The following PCNX1 variants were observed in gnomAD, a reference collection of about 807,000 sequenced individuals.
The protein encoded by PCNX1 is pecanex-like protein 1.
PCNX1 carries 78 observed loss-of-function variants against 242.2 expected under a neutral mutation model. The ratio of observed to expected loss-of-function variants is 0.32; its 90% CI spans 0.27 to 0.39. The LOEUF (loss-of-function observed/expected upper bound fraction) is 0.39, where lower values mean the gene tolerates loss of function less well. PCNX1 is among the 10% of genes least tolerant of loss of function. The pLI, the probability that PCNX1 is intolerant of heterozygous loss-of-function variation, is 1.00. For synonymous variants in PCNX1, 1,024 were observed against 1,032.9 expected, an observed-to-expected ratio of 0.99 and a Z score of 0.17; for missense variants, 2,581 against 2,856.5, an observed-to-expected ratio of 0.90 and a Z score of 2.20.
Position 71,073,780 on chromosome 14 carries a change from C to T in PCNX1, c.5088C>T (p.Leu1696=), listed in dbSNP as rs2061644808. 1.9e-6 allele frequency: 3 copies of T among 1,606,468 alleles called. No homozygotes were observed. The highest frequency in any genetic ancestry group is 2.7e-5 in the African/African-American group (2 of 74,806). ...MLQVFDLRKV[L]TTYYVKGIIY... is the part of the protein sequence containing the mutation. ...AAGTCTTTGATCTTCGGAAAGTACT[C>T]ACCACTTACTATGTCAAGGTAGGAG... The change falls in exon 27 of 36, where the codon CTC becomes CTT. Residue 1696 remains leucine (L), a synonymous_variant. Transcript: ENST00000304743.
At chr14:70,990,473 G>C (rs1413996367) in intron 7 of PCNX1, among the ~76,000 whole-genome samples, 1 of 151,844 alleles carries the variant, frequency 6.6e-6, no homozygotes, top group East Asian at 1.9e-4. Context: ...GCTGAGGCAG[G>C]AGAATTGCCT....
intron 35 of PCNX1, 58 bp downstream of exon 35, chr14:71,109,650 C>T: frequency 1.3e-6 from 2 of 1,599,196 alleles, no homozygotes; most frequent in South Asian, 2.2e-5. Flanking sequence ...GTCCGCCTCA[C>T]TTGGATGCAT....
intron 26 of PCNX1, among the ~76,000 whole-genome samples, chr14:71,067,399 C>CAT (rs933436275): frequency 6.6e-6 from 1 of 152,024 alleles, no homozygotes; most frequent in Non-Finnish European, 1.5e-5. Context: ...AGTTTATTTG[C>CAT]ATAGGGGTGT....
At chr14:71,002,635 C>G (rs2059537771) in intron 8 of PCNX1, among the ~76,000 whole-genome samples, 1 of 152,112 alleles carries the variant, frequency 6.6e-6, no homozygotes, top group Admixed American at 6.6e-5. Flanking sequence ...TTTGTATGTA[C>G]TTTTCCTGTA....
At chr14:71,104,433 G>A (rs919615988) in intron 32 of PCNX1, among the ~76,000 whole-genome samples, 5 of 152,062 alleles carry the variant, frequency 3.3e-5, no homozygotes, top group African/African-American at 1.2e-4. Flanking sequence ...TGGAATTACC[G>A]TAAAGAGATT....
chr14:70,974,820 A>G lies in PCNX1; in HGVS notation c.605-2122A>G, dbSNP rs529184714. Among the ~76,000 whole-genome samples, 75 of 152,316 alleles carry G rather than the reference A, an allele frequency of 4.9e-4. No individual in the cohort carries two copies. The South Asian group carries it at 0.012, about 24-fold the overall frequency. ...AAAAGTTTGATTCGATGAAAAATGT[A>G]TCTTTTTGTGTTGATTTGAGCCTCT... On this transcript the variant is annotated intron_variant, in intron 5 of 35. Transcript: ENST00000304743.
chr14:70,979,001 G>A (rs2058759951), intron 6 of PCNX1, among the ~76,000 whole-genome samples: 1 of 151,866 alleles, frequency 6.6e-6, no homozygotes, highest in Non-Finnish European at 1.5e-5. Flanking sequence ...ATTATTTAAG[G>A]GCACCAAACC....
chr14:70,986,103 G>A (rs781085341), intron 6 of PCNX1, among the ~76,000 whole-genome samples: 1 of 152,130 alleles, frequency 6.6e-6, no homozygotes, highest in Non-Finnish European at 1.5e-5. Context: ...ACCCCTACTC[G>A]ACTATTCCAA....
At chr14:71,077,364 G>T (rs1283643976) in intron 28 of PCNX1, among the ~76,000 whole-genome samples, 1 of 152,194 alleles carries the variant, frequency 6.6e-6, no homozygotes. Context: ...AGTGTCGTAT[G>T]TACAGATGTA....
Position 71,013,081 on chromosome 14 carries a change from A to T in PCNX1, c.2875A>T (p.Thr959Ser). ...TGATCTAAGCCCTGACTTGGCAGCTACTTACGGCCCAACAGAAGAAGCTGC... is the reference window on the plus strand; with the variant it reads ...TGATCTAAGCCCTGACTTGGCAGCTTCTTACGGCCCAACAGAAGAAGCTGC... ...DIDLSPDLAA[T>S]YGPTEEAAQK... Residue 959 changes from threonine (T) to serine (S), a missense_variant, in exon 11 of 36, where the codon ACT (threonine) becomes TCT (serine). Thr to Ser is a moderately conservative substitution (Grantham distance 58). This residue lies in a region of PCNX1 where 1,204 missense variants were observed against 1,216.7 expected (regional missense o/e 0.99). Coordinates refer to ENST00000304743, the MANE Select transcript of PCNX1 (RefSeq NM_014982.3). The T allele has an allele frequency of 1.2e-6, 2 of 1,613,990 alleles. No individual in the cohort carries two copies. Among genetic ancestry groups the T allele is most frequent in the Non-Finnish European group, 1.7e-6 (2 of 1,179,846 alleles).
intron 16 of PCNX1, among the ~76,000 whole-genome samples, chr14:71,031,164 A>C (rs2060371957): frequency 6.6e-6 from 1 of 152,212 alleles, no homozygotes; most frequent in Admixed American, 6.5e-5. Context: ...GCACATGTAC[A>C]TATCTGCGAA....
At chr14:70,955,400 C>G (rs1320697502) in intron 2 of PCNX1, among the ~76,000 whole-genome samples, 1 of 152,152 alleles carries the variant, frequency 6.6e-6, no homozygotes, top group Non-Finnish European at 1.5e-5. Context: ...TCATTTTACT[C>G]CAGATTTACA....
intron 2 of PCNX1, among the ~76,000 whole-genome samples, chr14:70,956,586 CA>C (rs1167825721): frequency 3.3e-5 from 5 of 151,830 alleles, no homozygotes; most frequent in Admixed American, 1.3e-4. Context: ...AACAAAAACA[CA>C]AAAAAAGCAA....
intron 8 of PCNX1, among the ~76,000 whole-genome samples, chr14:71,004,443 G>A (rs1398323100): frequency 6.6e-6 from 1 of 152,212 alleles, no homozygotes; most frequent in African/African-American, 2.4e-5. Context: ...GTTTTCATAG[G>A]AGCATGAACC....
chr14:70,942,377 G>A (rs966119903), intron 1 of PCNX1, among the ~76,000 whole-genome samples: 2 of 152,064 alleles, frequency 1.3e-5, no homozygotes, highest in African/African-American at 4.8e-5. Flanking sequence ...CATTTTTAAG[G>A]ATTTAAATTA....
intron 1 of PCNX1, among the ~76,000 whole-genome samples, chr14:70,941,423 C>G (rs550256595): frequency 2.6e-5 from 4 of 152,322 alleles, no homozygotes; most frequent in Admixed American, 2.6e-4. Context: ...CTGGATATCA[C>G]CAGTGGAGGC....
intron 1 of PCNX1, among the ~76,000 whole-genome samples, chr14:70,925,093 A>G (rs2056537335): frequency 6.6e-6 from 1 of 151,630 alleles, no homozygotes; most frequent in Admixed American, 6.6e-5. Context: ...GCTTCAAGTG[A>G]TTCTCCTGCC....
chr14:71,039,981 TTTCTC>T (rs763915947), intron 19 of PCNX1, among the ~76,000 whole-genome samples: 7 of 152,140 alleles, frequency 4.6e-5, no homozygotes, highest in Admixed American at 3.9e-4. Context: ...TCCTAGGACA[TTTCTC>T]TTTTATTTAG....
intron 12 of PCNX1, 42 bp from the exon 13 acceptor site, chr14:71,023,158 A>T: frequency 6.5e-7 from 1 of 1,528,716 alleles, no homozygotes; most frequent in South Asian, 1.1e-5. Context: ...TAAAATTAGC[A>T]AGACTTCAGG....
Sources: allele counts gnomAD v4.1 joint callset (sites outside exome capture counted in the v4.1 genomes callset), GRCh38; gene constraint gnomAD v4.1.1; regional missense constraint gnomAD v4.1.1; transcripts MANE v1.5; gene names NCBI Gene and HGNC (gene_info 2026-07-23, HGNC 2026-07-21).